Variants in TSPAN2 observed in about 807,000 individuals in gnomAD.
TSPAN2 encodes tetraspanin 2, also known as tetraspanin-2.
In TSPAN2, 24 loss-of-function variants were observed where a neutral mutation model predicts 33.3. The observed-to-expected ratio is 0.72, with a 90% confidence interval of 0.52 to 1.01. TSPAN2 has a LOEUF of 1.01. TSPAN2 is among the 50% of genes least tolerant of loss of function. The probability of loss-of-function intolerance (pLI) is 0.00; values close to 1 mark genes in which losing one functional copy is unlikely to be tolerated. For missense variants in TSPAN2, 278 were observed against 281.3 expected (o/e 0.99, Z 0.08); for synonymous variants, 114 against 104.5 (o/e 1.09, Z -0.56).
intron 1 of TSPAN2, among the ~76,000 whole-genome samples, chr1:115,081,449 A>T (rs1305120369): frequency 2.0e-5 from 3 of 152,236 alleles, no homozygotes; most frequent in Admixed American, 2.0e-4. Flanking sequence ...GTTCTTCTAG[A>T]AATTCACCTC....
At chr1:115,060,002 G>A (rs907113022) in intron 4 of TSPAN2, among the ~76,000 whole-genome samples, 1 of 152,156 alleles carries the variant, frequency 6.6e-6, no homozygotes, top group Non-Finnish European at 1.5e-5. Flanking sequence ...TGGACACCTA[G>A]AGTTGGGCAG....
intron 1 of TSPAN2, among the ~76,000 whole-genome samples, chr1:115,080,190 T>C (rs1470903107): frequency 2.0e-5 from 3 of 152,214 alleles, no homozygotes; most frequent in Non-Finnish European, 4.4e-5. Context: ...TTGGTGATTA[T>C]ACATAATGTC....
chr1:115,059,124 AG>A, intron 4 of TSPAN2, 143 bp from the exon 5 acceptor site: 1 of 686,596 alleles, frequency 1.5e-6, no homozygotes. Context: ...TTGGGGACTC[AG>A]GGGAAAGGGT....
At chr1:115,051,311 A>G (rs1675309722) in intron 7 of TSPAN2, among the ~76,000 whole-genome samples, 1 of 151,460 alleles carries the variant, frequency 6.6e-6, no homozygotes, top group South Asian at 2.1e-4. Context: ...ACAAAAAAAG[A>G]AAAAAAAAGT....
chr1:115,060,202 TC>T (rs1246457488), intron 4 of TSPAN2, among the ~76,000 whole-genome samples: 2 of 151,850 alleles, frequency 1.3e-5, no homozygotes, highest in African/African-American at 4.8e-5. Flanking sequence ...AAATTAGAGA[TC>T]CTTTTTTTTT....
At chr1:115,053,542 T>TGA in intron 6 of TSPAN2, 80 bp from the exon 7 acceptor site, 1 of 1,182,498 alleles carries the variant, frequency 8.5e-7, no homozygotes, top group Non-Finnish European at 1.2e-6. Context: ...TTTCCATCTC[T>TGA]ACAGTTCATT....
chr1:115,080,144 A>C (rs1274842652), intron 1 of TSPAN2, among the ~76,000 whole-genome samples: 2 of 152,226 alleles, frequency 1.3e-5, no homozygotes, highest in African/African-American at 4.8e-5. Context: ...TAGAGCAGAT[A>C]ATTTACATAT....
chr1:115,075,908 C>A (rs1648385821), intron 1 of TSPAN2, among the ~76,000 whole-genome samples: 1 of 152,094 alleles, frequency 6.6e-6, no homozygotes, highest in Non-Finnish European at 1.5e-5. Context: ...TCTCCCTTCC[C>A]TGTCTTTCTT....
At chr1:115,077,850 GC>G in intron 1 of TSPAN2, among the ~76,000 whole-genome samples, 1 of 152,342 alleles carries the variant, frequency 6.6e-6, no homozygotes, top group African/African-American at 2.4e-5. Flanking sequence ...ATGCAAGAAT[GC>G]AGAGATCATT....
chr1:115,058,123 C>G (rs1453430698), intron 5 of TSPAN2: 1 of 161,320 alleles, frequency 6.2e-6, no homozygotes, highest in South Asian at 1.7e-4. Context: ...GACAAAAGAA[C>G]CTGTGTGCTG....
chr1:115,056,238 T>A (rs765355056), intron 6 of TSPAN2, among the ~76,000 whole-genome samples: 20 of 152,184 alleles, frequency 1.3e-4, no homozygotes, highest in Non-Finnish European at 2.6e-4. Context: ...TTTCTATATT[T>A]TCTATATGTT....
chr1:115,085,074 C>T (rs180839481), intron 1 of TSPAN2, among the ~76,000 whole-genome samples: 10 of 152,006 alleles, frequency 6.6e-5, no homozygotes, highest in Admixed American at 1.3e-4. Context: ...CCAACATATG[C>T]GGCTTGGTGG....
intron 6 of TSPAN2, among the ~76,000 whole-genome samples, chr1:115,053,998 T>G (rs540501197): frequency 6.6e-6 from 1 of 152,326 alleles, no homozygotes; most frequent in South Asian, 2.1e-4. Flanking sequence ...GACCATTCTC[T>G]CCTGTGGTGG....
At chr1:115,083,187 T>C (rs1250407175) in intron 1 of TSPAN2, among the ~76,000 whole-genome samples, 2 of 152,192 alleles carry the variant, frequency 1.3e-5, no homozygotes, top group South Asian at 4.1e-4. Flanking sequence ...GTGCTCAGTA[T>C]AGCATCACTT....
chr1:115,053,555 G>T, intron 6 of TSPAN2, 93 bp from the exon 7 acceptor site: 2 of 1,057,026 alleles, frequency 1.9e-6, no homozygotes, highest in Non-Finnish European at 2.9e-6. Flanking sequence ...AGTTCATTCT[G>T]TGAGAGTTAA....
chr1:115,072,909 ATAGAAATAC>A lies in TSPAN2; in HGVS notation c.159_167del (p.Glu53_Tyr56delinsAsp), dbSNP rs1424049244. The A allele has an allele frequency of 6.2e-7, 1 of 1,613,150 alleles. No individual in the cohort carries two copies. The highest frequency in any genetic ancestry group is 1.1e-5 in the South Asian group (1 of 91,062). On this transcript the variant is annotated inframe_deletion, in exon 2 of 8. Transcript: ENST00000369516. ...TAGGAAGCTGGAGTCACTCACCCAC[ATAGAAATAC>A]TCTGGGGACTTGTCCTCTGATGATA...
intron 1 of TSPAN2, among the ~76,000 whole-genome samples, chr1:115,077,886 C>T (rs889053764): frequency 6.6e-6 from 1 of 152,232 alleles, no homozygotes; most frequent in Non-Finnish European, 1.5e-5. Flanking sequence ...CCCCAGTCTG[C>T]CCAGCTGTCC....
chr1:115,050,187 A>G lies in TSPAN2; in HGVS notation c.*303T>C, dbSNP rs1675274775. The G allele has an allele frequency of 6.3e-6, 2 of 318,370 alleles. No individual in the cohort carries two copies. Among genetic ancestry groups the G allele is most frequent in the Admixed American group, 5.3e-5 (1 of 18,916 alleles). 19.7% of individuals were successfully genotyped at this position (318,370 alleles called of 1,614,324 possible). ...TTTGATCTTTTTTTTCTGGGAGCGA[A>G]ATAGGTTGTTCTTCTTATATAACAA... On this transcript the variant is annotated 3_prime_UTR_variant, in exon 8 of 8. Transcript: ENST00000369516.
At chr1:115,058,725 A>C (rs954541947) in intron 5 of TSPAN2, among the ~76,000 whole-genome samples, 158 bp downstream of exon 5, 3 of 152,218 alleles carry the variant, frequency 2.0e-5, no homozygotes, top group African/African-American at 7.2e-5. Context: ...AGGGTTCCAC[A>C]CATAATGCAA....
Sources: gnomAD v4.1 joint callset for allele counts (sites outside exome capture counted in the v4.1 genomes callset) on GRCh38, gnomAD v4.1.1 for gene constraint, MANE v1.5 for transcripts, NCBI Gene and HGNC (gene_info 2026-07-23, HGNC 2026-07-21) for gene names.